ITPR2: variants seen among roughly 807,000 people sequenced by gnomAD.
The protein encoded by ITPR2 is inositol 1,4,5-trisphosphate-gated calcium channel ITPR2.
In ITPR2, 207 loss-of-function variants were observed where a neutral mutation model predicts 317.1. The observed-to-expected ratio is 0.65, with a 90% CI of 0.58 to 0.73. ITPR2 has a LOEUF of 0.73. Among genes scored for constraint, ITPR2 ranks in the 30% least tolerant of loss-of-function variants. The pLI is 0.00. For synonymous variants in ITPR2, 1,156 were observed against 1,149.1 expected (o/e 1.01, Z -0.12); for missense variants, 2,613 against 3,284.0 (o/e 0.80, Z 4.99).
At chr12:26,461,600 T>A (rs1942019714) in intron 45 of ITPR2, among the ~76,000 whole-genome samples, 1 of 135,560 alleles carries the variant, frequency 7.4e-6, no homozygotes, top group African/African-American at 3.0e-5. Context: ...CTCACAAAGC[T>A]GACAATAAGA....
intron 42 of ITPR2, among the ~76,000 whole-genome samples, chr12:26,483,000 A>T (rs1200724786): frequency 6.6e-6 from 1 of 152,100 alleles, no homozygotes; most frequent in East Asian, 1.9e-4. Flanking sequence ...AGGAGGTGAA[A>T]CAGTCAACTG....
chr12:26,601,869 A>G (rs1251943654), intron 28 of ITPR2, among the ~76,000 whole-genome samples: 3 of 152,306 alleles, frequency 2.0e-5, no homozygotes, highest in East Asian at 3.9e-4. Flanking sequence ...ATAGGAAGCA[A>G]TGAGACGAAC....
Position 26,831,936 on chromosome 12 carries a change from T to C in ITPR2, c.92+754A>G, listed in dbSNP as rs897361673. 1.3e-5 allele frequency among the ~76,000 whole-genome samples: 2 copies of C among 150,260 alleles called. No homozygotes were observed. The highest frequency in any genetic ancestry group is 2.4e-5 in the African/African-American group (1 of 40,832). On this transcript the variant is annotated intron_variant, in intron 1 of 56. Transcript: ENST00000381340. The surrounding 1 kb of genome is among the most constrained non-coding windows in gnomAD (Gnocchi z 4.9). ...ATATGTGTATATATATATATATTTT[T>C]CCCCCCATTCAACTCGAATCTCAAG...
At position 26,487,112 on chromosome 12, in the gene ITPR2, C is replaced by CT. The variant is rs1565554999; in HGVS notation, c.5509dup (p.Arg1837LysfsTer4). 1 of 1,612,492 alleles carries CT rather than the reference C, an allele frequency of 6.2e-7. No homozygotes were observed. Among genetic ancestry groups the CT allele is most frequent in the South Asian group, 1.1e-5 (1 of 90,828 alleles). On this transcript the variant is annotated frameshift_variant, in exon 40 of 57. Transcript: ENST00000381340. LOFTEE classifies it high-confidence loss of function. ...TGTCATCAATTCATTGTCATCGTCC[C>CT]TTTTTTTGTTACCTAAATCTATGGT... is the stretch of plus-strand genomic sequence containing the variant.
intron 9 of ITPR2, among the ~76,000 whole-genome samples, chr12:26,701,163 C>T (rs1948438817): frequency 6.7e-6 from 1 of 149,054 alleles, no homozygotes; most frequent in African/African-American, 2.4e-5. Context: ...AGAGAAACAT[C>T]ATAAATACCT....
chr12:26,433,464 T>G (rs189500884), intron 48 of ITPR2, among the ~76,000 whole-genome samples: 308 of 152,332 alleles, frequency 2.0e-3, no homozygotes, highest in Admixed American at 5.6e-3. Context: ...AGATAGTATG[T>G]GATTTTTAAA....
intron 36 of ITPR2, among the ~76,000 whole-genome samples, chr12:26,554,081 T>C (rs777460752): frequency 1.3e-4 from 20 of 152,234 alleles, no homozygotes; most frequent in African/African-American, 2.4e-4. Context: ...TACCTAATGA[T>C]GCCACAGGCT....
chr12:26,799,523 G>T (rs1328469663), intron 1 of ITPR2, among the ~76,000 whole-genome samples: 1 of 152,158 alleles, frequency 6.6e-6, no homozygotes, highest in Admixed American at 6.5e-5. Context: ...ACAACTAAAA[G>T]AGTTACACAT....
intron 55 of ITPR2, among the ~76,000 whole-genome samples, chr12:26,375,774 T>C (rs912242863): frequency 6.6e-6 from 1 of 152,232 alleles, no homozygotes; most frequent in African/African-American, 2.4e-5. Flanking sequence ...TAAGAAATCT[T>C]TACTGAGTAT....
At chr12:26,465,816 C>T (rs532988395) in intron 45 of ITPR2, among the ~76,000 whole-genome samples, 1 of 152,074 alleles carries the variant, frequency 6.6e-6, no homozygotes, top group African/African-American at 2.4e-5. Flanking sequence ...CCCTACCCAC[C>T]CCACAACTGC....
chr12:26,530,301 C>A (rs78502808), intron 37 of ITPR2, among the ~76,000 whole-genome samples: 17 of 152,160 alleles, frequency 1.1e-4, no homozygotes, highest in African/African-American at 3.9e-4. Flanking sequence ...ATTTTCTACA[C>A]CTGAAGTCCA....
intron 2 of ITPR2, among the ~76,000 whole-genome samples, chr12:26,741,531 CAG>C (rs759866510): frequency 6.6e-6 from 1 of 151,654 alleles, no homozygotes; most frequent in Non-Finnish European, 1.5e-5. Context: ...TCAGTTGACA[CAG>C]GGGAAGTTTT....
intron 38 of ITPR2, 24 bp from the exon 39 acceptor site, chr12:26,494,364 A>C: frequency 1.3e-6 from 2 of 1,496,026 alleles, no homozygotes; most frequent in Non-Finnish European, 1.8e-6. Flanking sequence ...AAATAAATAA[A>C]TAAACCTTAA....
intron 2 of ITPR2, among the ~76,000 whole-genome samples, chr12:26,735,344 C>T (rs764735850): frequency 6.6e-6 from 1 of 151,690 alleles, no homozygotes; most frequent in Non-Finnish European, 1.5e-5. Context: ...AACCAGCCTT[C>T]TGAATGGAAT....
intron 44 of ITPR2, among the ~76,000 whole-genome samples, chr12:26,475,978 AG>A (rs1942408873): frequency 1.3e-5 from 2 of 152,350 alleles, no homozygotes; most frequent in South Asian, 4.1e-4. Context: ...TTGTTCACAG[AG>A]GAACTAGTAT....
intron 13 of ITPR2, among the ~76,000 whole-genome samples, chr12:26,672,856 G>C (rs1188461648): frequency 1.3e-5 from 2 of 151,976 alleles, no homozygotes; most frequent in African/African-American, 4.8e-5. Context: ...AATAAAAAAT[G>C]ATAAAGGGGA....
chr12:26,832,356 A>T (rs939343102), intron 1 of ITPR2, among the ~76,000 whole-genome samples: 2 of 152,266 alleles, frequency 1.3e-5, no homozygotes, highest in Non-Finnish European at 2.9e-5. Context: ...CTTCCAGGGA[A>T]AACAAGCACA....
At chr12:26,440,265 TTTG>T (rs938723723) in intron 46 of ITPR2, among the ~76,000 whole-genome samples, 13 of 152,108 alleles carry the variant, frequency 8.5e-5, no homozygotes, top group African/African-American at 2.9e-4. Flanking sequence ...ACAAAAGTTT[TTTG>T]TTGTTGTTGT....
At chr12:26,631,680 G>A (rs1253946941) in intron 22 of ITPR2, among the ~76,000 whole-genome samples, 186 bp downstream of exon 22, 1 of 152,110 alleles carries the variant, frequency 6.6e-6, no homozygotes, top group Non-Finnish European at 1.5e-5. Flanking sequence ...ATGGACAAAT[G>A]TGATTCATAT....
Sources: gnomAD v4.1 joint callset for allele counts (sites outside exome capture counted in the v4.1 genomes callset) on GRCh38, gnomAD v4.1.1 for gene constraint, Gnocchi (gnomAD v3.1) non-coding constraint, MANE v1.5 for transcripts, NCBI Gene and HGNC (gene_info 2026-07-23, HGNC 2026-07-21) for gene names.